MCPH1: variants seen among roughly 807,000 people sequenced by gnomAD.
MCPH1 encodes microcephalin.
MCPH1 carries 104 observed loss-of-function variants against 84.5 expected under a neutral mutation model. That is an observed-to-expected ratio of 1.23 (90% CI 1.05 to 1.45). MCPH1 has a LOEUF of 1.45. MCPH1 is among the 40% of genes most tolerant of loss of function. The pLI, the probability that MCPH1 is intolerant of heterozygous loss-of-function variation, is 0.00. For synonymous variants in MCPH1, 514 were observed against 366.8 expected, an observed-to-expected ratio of 1.40 and a Z score of -4.58; for missense variants, 1,498 against 1,005.7, an observed-to-expected ratio of 1.49 and a Z score of -6.62.
intron 5 of MCPH1, among the ~76,000 whole-genome samples, chr8:6,437,905 C>T (rs1276060331): frequency 6.6e-6 from 1 of 152,216 alleles, no homozygotes; most frequent in Admixed American, 6.5e-5. Flanking sequence ...CCTCCACTGT[C>T]TCCTTACAGT....
chr8:6,433,986 C>A (rs1347651520), intron 4 of MCPH1, among the ~76,000 whole-genome samples: 1 of 152,082 alleles, frequency 6.6e-6, no homozygotes, highest in East Asian at 1.9e-4. Context: ...AACATTCTTC[C>A]CCCAAAATCC....
At chr8:6,625,967 C>T (rs945996635) in intron 13 of MCPH1, 2 of 984,856 alleles carry the variant, frequency 2.0e-6, no homozygotes, top group South Asian at 4.7e-5. Flanking sequence ...TATTCTGTGG[C>T]CAGAGGAGGG....
intron 12 of MCPH1, among the ~76,000 whole-genome samples, chr8:6,514,378 C>G (rs1051371879): frequency 6.6e-6 from 1 of 152,120 alleles, no homozygotes; most frequent in African/African-American, 2.4e-5. Flanking sequence ...TTAGTAGATA[C>G]AGAGTTTTGT....
intron 12 of MCPH1, among the ~76,000 whole-genome samples, chr8:6,588,979 C>G (rs899173102): frequency 6.6e-6 from 1 of 152,196 alleles, no homozygotes; most frequent in African/African-American, 2.4e-5. Context: ...CAGCACAGAG[C>G]GAATGGAAAG....
chr8:6,627,275 G>A (rs988404979), intron 13 of MCPH1: 24 of 985,428 alleles, frequency 2.4e-5, no homozygotes, highest in Non-Finnish European at 2.8e-5. Context: ...CCTCGATAAG[G>A]AACCAGTCGC....
chr8:6,488,923 G>A (rs941040369), intron 11 of MCPH1, among the ~76,000 whole-genome samples: 14 of 152,020 alleles, frequency 9.2e-5, no homozygotes, highest in African/African-American at 3.1e-4. Context: ...GCAGGTCGGC[G>A]CCCTTCCTAG....
chr8:6,626,653 C>G (rs1193185683), intron 13 of MCPH1: 2 of 984,830 alleles, frequency 2.0e-6, no homozygotes, highest in Non-Finnish European at 2.4e-6. Context: ...CATTTTCCCC[C>G]CAACACTCCC....
chr8:6,607,850 T>C (rs1035842978), intron 12 of MCPH1, among the ~76,000 whole-genome samples: 1 of 152,194 alleles, frequency 6.6e-6, no homozygotes, highest in Non-Finnish European at 1.5e-5. Flanking sequence ...TCTTTCTCTT[T>C]ATAAAGTATC....
At chr8:6,407,993 GTGCCACAA>G in intron 1 of MCPH1, among the ~76,000 whole-genome samples, 1 of 152,330 alleles carries the variant, frequency 6.6e-6, no homozygotes, top group South Asian at 2.1e-4. Flanking sequence ...GGTTATGTTT[GTGCCACAA>G]CCGTGAAGTT....
rs548844399 is a variant in MCPH1, at chr8:6,535,727, C to A, written c.2214+35798C>A. The stretch of plus-strand genomic sequence containing the variant: ...AGAATGGAACAGAACCAAAAATGTG[C>A]AGTAGTAGATATTTTGTGTTGATTT... On this transcript the variant is annotated intron_variant, in intron 12 of 13. Transcript: ENST00000344683. 5.3e-5 allele frequency among the ~76,000 whole-genome samples: 8 copies of A among 152,132 alleles called. No individual in the cohort carries two copies. In the South Asian group the frequency reaches 1.7e-3, roughly 32 times the overall value.
intron 2 of MCPH1, among the ~76,000 whole-genome samples, chr8:6,410,176 A>C (rs887759933): frequency 2.4e-4 from 37 of 151,732 alleles, no homozygotes; most frequent in African/African-American, 8.5e-4. Context: ...GGGTTTCACC[A>C]TGTTGGCCAG....
In MCPH1 at chr8:6,474,270, A is replaced by G. The variant is rs73520640; in HGVS notation, c.1936-3324A>G. The G allele has an allele frequency of 6.0e-3, 3,308 of 548,376 alleles. 82 individuals carry two copies. Among genetic ancestry groups the G allele is most frequent in the African/African-American group, 0.056 (2,999 of 53,088 alleles). 34.0% of individuals were successfully genotyped at this position (548,376 alleles called of 1,614,324 possible). ...CAAGCTAAATCACCCACATTAATGT[A>G]TTTCAATCCTGATTTTGATTCTGAT... On this transcript the variant is annotated intron_variant, in intron 9 of 13. Coordinates refer to ENST00000344683, the MANE Select transcript of MCPH1 (RefSeq NM_024596.5).
intron 12 of MCPH1, among the ~76,000 whole-genome samples, chr8:6,505,284 ATGTT>A (rs1813175307): frequency 3.1e-5 from 1 of 32,656 alleles, no homozygotes; most frequent in African/African-American, 1.3e-4. Flanking sequence ...ATACATATAT[ATGTT>A]ATATACATAT....
chr8:6,406,735 C>T lies in MCPH1; in HGVS notation c.22+46C>T, dbSNP rs779724877. The T allele has an allele frequency of 2.5e-6, 4 of 1,605,612 alleles. No homozygotes were observed. In the African/African-American group the frequency reaches 4.0e-5, roughly 16 times the overall value. On this transcript the variant is annotated intron_variant, in intron 1 of 13. Coordinates refer to ENST00000344683, the MANE Select transcript of MCPH1 (RefSeq NM_024596.5). ...TGCTCCAGCAGCGGGAGTTTGAGGA[C>T]CGGCACCCCTCGTCGCGGGCGCACT...
At chr8:6,415,031 G>C (rs1799070573) in intron 3 of MCPH1, 148 bp downstream of exon 3, 5 of 783,522 alleles carry the variant, frequency 6.4e-6, no homozygotes, top group Non-Finnish European at 1.0e-5. Context: ...AAATCCTCCA[G>C]CCTCAATTTC....
chr8:6,566,019 C>G (rs1275068987), intron 12 of MCPH1, among the ~76,000 whole-genome samples: 1 of 152,200 alleles, frequency 6.6e-6, no homozygotes, highest in Non-Finnish European at 1.5e-5. Context: ...ATTTTCGGCT[C>G]TGCAGGCTAT....
chr8:6,539,363 G>A (rs560407538), intron 12 of MCPH1, among the ~76,000 whole-genome samples: 10 of 152,220 alleles, frequency 6.6e-5, no homozygotes, highest in Admixed American at 2.0e-4. Flanking sequence ...TTTTCTTCAC[G>A]TTCAGTGTAA....
intron 11 of MCPH1, among the ~76,000 whole-genome samples, chr8:6,483,527 C>G (rs1404244786): frequency 6.6e-6 from 1 of 152,154 alleles, no homozygotes; most frequent in Non-Finnish European, 1.5e-5. Flanking sequence ...TGGGTTTTCA[C>G]AAAGGCATGA....
intron 13 of MCPH1, among the ~76,000 whole-genome samples, chr8:6,631,730 T>C (rs1427163698): frequency 6.6e-6 from 1 of 151,550 alleles, no homozygotes; most frequent in Non-Finnish European, 1.5e-5. Context: ...CTGCCTCATG[T>C]AATGTTGGGA....
Sources: allele counts gnomAD v4.1 joint callset (sites outside exome capture counted in the v4.1 genomes callset), GRCh38; gene constraint gnomAD v4.1.1; transcripts MANE v1.5; gene names NCBI Gene and HGNC (gene_info 2026-07-23, HGNC 2026-07-21).